Variants in CDH17 observed in about 807,000 individuals in gnomAD.
The protein encoded by CDH17 is cadherin-17.
In CDH17, 67 loss-of-function variants were observed where a neutral mutation model predicts 86.3. That is an observed-to-expected ratio of 0.78 (90% CI 0.64 to 0.95). CDH17 has a LOEUF of 0.95. CDH17 is among the 40% of genes least tolerant of loss of function. The pLI, the probability that CDH17 is intolerant of heterozygous loss-of-function variation, is 0.00. For synonymous variants in CDH17, 367 were observed against 366.4 expected, an observed-to-expected ratio of 1.00 and a Z score of -0.02; for missense variants, 993 against 1,017.6, an observed-to-expected ratio of 0.98 and a Z score of 0.33.
intron 9 of CDH17, 72 bp downstream of exon 9, chr8:94,170,325 G>T: frequency 6.6e-7 from 1 of 1,506,838 alleles, no homozygotes; most frequent in Non-Finnish European, 9.1e-7. Flanking sequence ...AAGGTCTCCT[G>T]CTCACCTTTT....
Position 94,160,178 on chromosome 8 carries a change from A to G in CDH17, c.1360-16T>C. 6.3e-7 allele frequency: 1 copy of G among 1,592,166 alleles called. No individual in the cohort carries two copies. The highest frequency in any genetic ancestry group is 1.3e-5 in the African/African-American group (1 of 74,422). On this transcript the variant is annotated splice_polypyrimidine_tract_variant and intron_variant, in intron 11 of 17. Transcript: ENST00000027335. The stretch of plus-strand genomic sequence containing the variant: ...GGTTTCCATACTAAGGAGAAAATGG[A>G]GAAGGAAACAATGAGAAGGTCTGCT...
intron 1 of CDH17, among the ~76,000 whole-genome samples, chr8:94,205,492 T>G (rs760052037): frequency 6.6e-6 from 1 of 152,068 alleles, no homozygotes; most frequent in Non-Finnish European, 1.5e-5. Context: ...AATACTCTAA[T>G]ACCAGTTCAT....
intron 1 of CDH17, among the ~76,000 whole-genome samples, chr8:94,216,300 G>A (rs948388634): frequency 1.3e-5 from 2 of 152,194 alleles, no homozygotes; most frequent in Non-Finnish European, 2.9e-5. Flanking sequence ...TGCAATCTGT[G>A]TAATTCCCTT....
chr8:94,154,047 A>C (rs1245707759), intron 12 of CDH17, among the ~76,000 whole-genome samples: 2 of 152,204 alleles, frequency 1.3e-5, no homozygotes, highest in African/African-American at 4.8e-5. Flanking sequence ...TTTCATCACA[A>C]AAAATGATAA....
At chr8:94,184,691 G>A (rs1250598772) in intron 3 of CDH17, among the ~76,000 whole-genome samples, 2 of 151,912 alleles carry the variant, frequency 1.3e-5, no homozygotes, top group African/African-American at 4.8e-5. Context: ...AAAAACTACT[G>A]AATTTTAGAG....
At chr8:94,193,987 C>A (rs917952472) in intron 2 of CDH17, among the ~76,000 whole-genome samples, 10 of 151,562 alleles carry the variant, frequency 6.6e-5, no homozygotes, top group African/African-American at 2.4e-4. Context: ...CTTATAATCT[C>A]GTTTCATAAT....
At chr8:94,193,849 T>G (rs372625981) in intron 2 of CDH17, among the ~76,000 whole-genome samples, 2 of 152,128 alleles carry the variant, frequency 1.3e-5, no homozygotes, top group South Asian at 2.1e-4. Context: ...CTAGGGTATT[T>G]TTTGGGACTT....
intron 7 of CDH17, among the ~76,000 whole-genome samples, chr8:94,171,620 T>C (rs1458899780): frequency 6.6e-6 from 1 of 152,218 alleles, no homozygotes; most frequent in Non-Finnish European, 1.5e-5. Flanking sequence ...GATATATTAA[T>C]AATGTTTACT....
At chr8:94,154,751 G>T (rs577197887) in intron 12 of CDH17, among the ~76,000 whole-genome samples, 3 of 152,274 alleles carry the variant, frequency 2.0e-5, no homozygotes, top group African/African-American at 7.2e-5. Flanking sequence ...TCTAAGTGTT[G>T]ATGTATTTTA....
intron 12 of CDH17, 64 bp downstream of exon 12, chr8:94,159,907 C>T: frequency 7.6e-7 from 1 of 1,319,448 alleles, no homozygotes; most frequent in Non-Finnish European, 1.1e-6. Flanking sequence ...TAGGTCTTCA[C>T]ACTGTCATTA....
At chr8:94,199,077 ATATATATTTTTT>A (rs1258614794) in intron 1 of CDH17, among the ~76,000 whole-genome samples, 5 of 8,766 alleles carry the variant, frequency 5.7e-4, no homozygotes, top group African/African-American at 1.2e-3. Context: ...ATATATATAT[ATATATATTTTTT>A]TTTTTTTATC....
intron 17 of CDH17, among the ~76,000 whole-genome samples, chr8:94,128,945 C>CTGAT (rs1416855672): frequency 6.6e-6 from 1 of 152,120 alleles, no homozygotes; most frequent in Non-Finnish European, 1.5e-5. Flanking sequence ...CAGCTCAGCA[C>CTGAT]TGATTGTGTA....
Position 94,147,504 on chromosome 8 carries a change from G to C in CDH17, c.1927+1240C>G, listed in dbSNP as rs181677276. Among the ~76,000 whole-genome samples the C allele has an allele frequency of 7.2e-4, 110 of 152,208 alleles. 5 individuals are homozygous for C. In the East Asian group the frequency reaches 0.017, roughly 24 times the overall value. On this transcript the variant is annotated intron_variant, in intron 14 of 17. Coordinates refer to ENST00000027335, the MANE Select transcript of CDH17 (RefSeq NM_004063.4). ...GAAAGTTTTTTTCCGGGGCTGTGGT[G>C]GGGGAGTCTAAAAACATATTTATTG...
chr8:94,154,050 AATG>A (rs1439110690), intron 12 of CDH17, among the ~76,000 whole-genome samples: 1 of 152,234 alleles, frequency 6.6e-6, no homozygotes, highest in Non-Finnish European at 1.5e-5. Context: ...CATCACAAAA[AATG>A]ATAAGTGAGG....
chr8:94,215,868 T>TG (rs1486703229), intron 1 of CDH17, among the ~76,000 whole-genome samples: 2 of 151,936 alleles, frequency 1.3e-5, no homozygotes, highest in Admixed American at 6.6e-5. Flanking sequence ...ACGAGGTTTT[T>TG]TTTTTTTTTT....
chr8:94,197,750 G>C (rs1813813643), intron 1 of CDH17, among the ~76,000 whole-genome samples: 1 of 150,214 alleles, frequency 6.7e-6, no homozygotes, highest in African/African-American at 2.5e-5. Context: ...AGAATTGCTT[G>C]AACCTGGAAG....
intron 15 of CDH17, among the ~76,000 whole-genome samples, chr8:94,133,846 T>G (rs553293594): frequency 1.3e-5 from 2 of 152,200 alleles, no homozygotes; most frequent in East Asian, 3.9e-4. Flanking sequence ...ATACCTACTT[T>G]ATTGAGAGTT....
chr8:94,191,215 T>C (rs1447631346), intron 2 of CDH17, among the ~76,000 whole-genome samples: 1 of 152,108 alleles, frequency 6.6e-6, no homozygotes, highest in East Asian at 1.9e-4. Context: ...GCTGAGACAA[T>C]GTACCTTGTG....
chr8:94,130,826 G>A (rs571522164), intron 16 of CDH17, 50 bp downstream of exon 16: 23 of 1,484,874 alleles, frequency 1.5e-5, no homozygotes, highest in South Asian at 9.0e-5. Context: ...CTCCTCAAAC[G>A]GCCCATGGTG....
Sources: gnomAD v4.1 joint callset for allele counts (sites outside exome capture counted in the v4.1 genomes callset) on GRCh38, gnomAD v4.1.1 for gene constraint, MANE v1.5 for transcripts, NCBI Gene and HGNC (gene_info 2026-07-23, HGNC 2026-07-21) for gene names.